The following EYA4 variants were observed in gnomAD, a reference collection of about 807,000 sequenced individuals.
EYA4 encodes protein phosphatase EYA4.
A neutral mutation model predicts 87.9 loss-of-function variants in EYA4; 31 were observed. The ratio of observed to expected loss-of-function variants is 0.35; its 90% CI spans 0.27 to 0.48. The LOEUF is 0.48. EYA4 is among the 20% of genes least tolerant of loss of function. The probability of loss-of-function intolerance (pLI) is 0.99; values close to 1 mark genes in which losing one functional copy is unlikely to be tolerated. For synonymous variants in EYA4, 263 were observed against 270.6 expected (o/e 0.97, Z 0.28); for missense variants, 678 against 761.4 (o/e 0.89, Z 1.29).
intron 1 of EYA4, among the ~76,000 whole-genome samples, chr6:133,262,429 A>G (rs1775872295): frequency 6.6e-6 from 1 of 152,216 alleles, no homozygotes; most frequent in South Asian, 2.1e-4. Flanking sequence ...TGGTCTGCAG[A>G]GTCTGCCTTA....
intron 2 of EYA4, among the ~76,000 whole-genome samples, chr6:133,305,997 G>GTGTA (rs1259144504): frequency 2.0e-5 from 3 of 151,846 alleles, no homozygotes; most frequent in African/African-American, 7.3e-5. Flanking sequence ...TTGTGTGTGT[G>GTGTA]TATTTGTTCT....
At chr6:133,491,220 G>T (rs1322499961) in intron 13 of EYA4, among the ~76,000 whole-genome samples, 1 of 151,826 alleles carries the variant, frequency 6.6e-6, no homozygotes, top group Non-Finnish European at 1.5e-5. Context: ...GCACTAAGAG[G>T]AAAGTTTATA....
At chr6:133,391,016 G>A (rs1232719055) in intron 3 of EYA4, among the ~76,000 whole-genome samples, 1 of 152,080 alleles carries the variant, frequency 6.6e-6, no homozygotes, top group Non-Finnish European at 1.5e-5. Context: ...GAAATTGAAA[G>A]GTATGGTTTT....
In EYA4 at chr6:133,332,711, A is replaced by ATTT. The variant is rs71003634; in HGVS notation, c.34-49658_34-49656dup. Among the ~76,000 whole-genome samples, 751 of 124,802 alleles carry ATTT rather than the reference A, an allele frequency of 6.0e-3. 12 individuals carry two copies. Among genetic ancestry groups the ATTT allele is most frequent in the African/African-American group, 0.019 (631 of 32,740 alleles). 81.9% of individuals were successfully genotyped at this position (124,802 alleles called of 152,430 possible). A position where few individuals can be genotyped will look rare whatever the true frequency, so the allele number is the denominator to read the frequency against. ...GGCATGTGCCACCACGCCCAGCTAA[A>ATTT]TTTTTTTTTTTTTTTTTTTTTTTTT... On this transcript the variant is annotated intron_variant, in intron 2 of 19. Coordinates refer to ENST00000355286, the MANE Select transcript of EYA4 (RefSeq NM_004100.5).
At position 133,523,124 on chromosome 6, in the gene EYA4, A is replaced by G. The variant is rs199621266; in HGVS notation, c.1685A>G (p.Tyr562Cys). 26 of 1,612,156 alleles carry G rather than the reference A, an allele frequency of 1.6e-5. No individual in the cohort carries two copies. In the East Asian group the frequency reaches 1.8e-4, roughly 11 times the overall value. Residue 562 changes from tyrosine to cysteine, a missense_variant, in exon 18 of 20, where the codon TAT becomes TGT. Coordinates refer to ENST00000355286, the MANE Select transcript of EYA4 (RefSeq NM_004100.5). ...LIPALAKVLL[Y>C]SLGGAFPIEN... ...CCAGCACTTGCGAAGGTTCTACTCT[A>G]TAGTTTAGGAGGTGCTTTCCCCATT...
intron 3 of EYA4, among the ~76,000 whole-genome samples, chr6:133,431,933 A>G (rs969115207): frequency 7.0e-6 from 1 of 143,478 alleles, no homozygotes; most frequent in African/African-American, 2.6e-5. Flanking sequence ...GCCCAATAAA[A>G]TAGTCCATTT....
At chr6:133,369,902 C>T (rs558451622) in intron 2 of EYA4, among the ~76,000 whole-genome samples, 6 of 145,132 alleles carry the variant, frequency 4.1e-5, no homozygotes, top group African/African-American at 1.0e-4. Flanking sequence ...TAATGCCCTA[C>T]GTTAGATTTC....
Position 133,528,994 on chromosome 6 carries a change from C to G in EYA4, c.*189C>G. 2 of 1,421,084 alleles carry G rather than the reference C, an allele frequency of 1.4e-6. No individual in the cohort carries two copies. The highest frequency in any genetic ancestry group is 1.4e-5 in the South Asian group (1 of 69,684). The allele number at this position is 1,421,084 out of a possible 1,614,324, so 88.0% of individuals were successfully genotyped here. A position where few individuals can be genotyped will look rare whatever the true frequency, so the allele number is the denominator to read the frequency against. ...AAACTTTAGTGCTACAGAAAAGAAA[C>G]TCTATGGTCTTATATTTACAACACT... On this transcript the variant is annotated 3_prime_UTR_variant, in exon 20 of 20. Coordinates refer to ENST00000355286, the MANE Select transcript of EYA4 (RefSeq NM_004100.5).
At chr6:133,358,238 G>A (rs1784213500) in intron 2 of EYA4, among the ~76,000 whole-genome samples, 2 of 152,248 alleles carry the variant, frequency 1.3e-5, no homozygotes, top group South Asian at 4.2e-4. Flanking sequence ...GGGTAATCTA[G>A]TGTATTGGAG....
chr6:133,506,092 C>A lies in EYA4; in HGVS notation c.1192-14C>A. The A allele has an allele frequency of 6.6e-7, 1 of 1,526,050 alleles. No homozygotes were observed. Among genetic ancestry groups the A allele is most frequent in the Non-Finnish European group, 9.1e-7 (1 of 1,099,918 alleles). 94.5% of individuals were successfully genotyped at this position (1,526,050 alleles called of 1,614,324 possible). ...CTGAAATTTTACCTCATTATGTGTA[C>A]ATTTTCTTTACAGGATCCCCCCATG... On this transcript the variant is annotated splice_polypyrimidine_tract_variant and intron_variant, in intron 13 of 19. Transcript: ENST00000355286.
At position 133,468,892 on chromosome 6, in the gene EYA4, T is replaced by C. The variant is rs527608600; in HGVS notation, c.970+161T>C. The stretch of plus-strand genomic sequence containing the variant: ...TGTGTAAGACGAGGCTCTTCTGGCA[T>C]TTCAGAAGATCCTTCTTTTAGATAT... On this transcript the variant is annotated intron_variant, in intron 11 of 19. Coordinates refer to ENST00000355286, the MANE Select transcript of EYA4 (RefSeq NM_004100.5). 76 of 737,002 alleles carry C rather than the reference T, an allele frequency of 1.0e-4. No homozygotes were observed. In the African/African-American group the frequency reaches 1.2e-3, roughly 12 times the overall value. 45.7% of individuals were successfully genotyped at this position (737,002 alleles called of 1,614,324 possible).
intron 2 of EYA4, among the ~76,000 whole-genome samples, chr6:133,286,915 G>A (rs1380341960): frequency 6.6e-6 from 1 of 152,132 alleles, no homozygotes; most frequent in Non-Finnish European, 1.5e-5. Context: ...GGGGAGGGGT[G>A]CTGTCCTGTA....
chr6:133,463,354 CTTT>C (rs571663764), intron 9 of EYA4, among the ~76,000 whole-genome samples: 3 of 115,226 alleles, frequency 2.6e-5, no homozygotes, highest in Non-Finnish European at 5.4e-5. Flanking sequence ...TGTGTTTTAT[CTTT>C]TTTTTTTTTT....
intron 13 of EYA4, among the ~76,000 whole-genome samples, chr6:133,491,355 A>G (rs1347385357): frequency 2.0e-5 from 3 of 152,204 alleles, no homozygotes. Context: ...ACAAAAGATC[A>G]ACAAAATTAA....
intron 2 of EYA4, among the ~76,000 whole-genome samples, chr6:133,311,695 C>A (rs1780231400): frequency 1.3e-5 from 2 of 152,158 alleles, no homozygotes. Flanking sequence ...CTCTAAAAAT[C>A]CCAACTCCTT....
chr6:133,432,543 G>A (rs1472090697), intron 3 of EYA4, among the ~76,000 whole-genome samples: 1 of 151,432 alleles, frequency 6.6e-6, no homozygotes, highest in Non-Finnish European at 1.5e-5. Flanking sequence ...AGCTGGGGCA[G>A]TGAGGGAGTT....
At chr6:133,395,267 C>G (rs1787686183) in intron 3 of EYA4, among the ~76,000 whole-genome samples, 1 of 150,840 alleles carries the variant, frequency 6.6e-6, no homozygotes, top group Non-Finnish European at 1.5e-5. Context: ...GGTCAGGTAC[C>G]TAGCACAGTG....
At chr6:133,521,729 T>C (rs11154733) in intron 17 of EYA4, among the ~76,000 whole-genome samples, 2,156 of 20,208 alleles carry the variant, frequency 0.11, 83 homozygotes, top group South Asian at 0.14. Context: ...TGTCCAACAA[T>C]GATAGACTGG....
intron 3 of EYA4, among the ~76,000 whole-genome samples, chr6:133,414,046 C>T (rs1462095465): frequency 1.3e-5 from 2 of 152,196 alleles, no homozygotes; most frequent in African/African-American, 4.8e-5. Context: ...ACTGTTACTA[C>T]TCCAGTTCAT....
Sources: allele counts gnomAD v4.1 joint callset (sites outside exome capture counted in the v4.1 genomes callset), GRCh38; gene constraint gnomAD v4.1.1; transcripts MANE v1.5; gene names NCBI Gene and HGNC (gene_info 2026-07-23, HGNC 2026-07-21).